Variants in IGF2R observed in about 807,000 individuals in gnomAD.
The protein encoded by IGF2R is cation-independent mannose-6-phosphate receptor.
IGF2R carries 91 observed loss-of-function variants against 270.6 expected under a neutral mutation model. The ratio of observed to expected loss-of-function variants is 0.34; its 90% CI spans 0.28 to 0.40. The LOEUF (loss-of-function observed/expected upper bound fraction) is 0.40, where lower values mean the gene tolerates loss of function less well. IGF2R is among the 10% of genes least tolerant of loss of function. IGF2R has a pLI of 1.00. For missense variants in IGF2R, 2,805 were observed against 3,188.3 expected, an observed-to-expected ratio of 0.88 and a Z score of 2.90; for synonymous variants, 1,316 against 1,258.9, an observed-to-expected ratio of 1.05 and a Z score of -0.96.
intron 1 of IGF2R, among the ~76,000 whole-genome samples, chr6:159,988,867 A>G (rs372943923): frequency 1.3e-5 from 2 of 152,170 alleles, no homozygotes; most frequent in Admixed American, 1.3e-4. Context: ...CTCCCGCAGT[A>G]AGTACTTAAG....
chr6:160,084,168 G>A lies in IGF2R; in HGVS notation c.6052G>A (p.Val2018Ile). ...CTCTCTCACCGGGTCCTGGTCCCTC[G>A]TCCACAACGGAGTCTCGTGAGTGCC... ...LSSLTGSWSL[V>I]HNGVSYYINL... The change falls in exon 40 of 48, where the codon GTC becomes ATC. Residue 2018 changes from valine to isoleucine, a missense_variant. By Grantham distance (29) the Val-to-Ile change is conservative. Coordinates refer to ENST00000356956, the MANE Select transcript of IGF2R (RefSeq NM_000876.4). The surrounding 1 kb of genome is among the most constrained non-coding windows in gnomAD (Gnocchi z 4.6). The A allele has an allele frequency of 6.2e-7, 1 of 1,611,964 alleles. No homozygotes were observed. Among genetic ancestry groups the A allele is most frequent in the East Asian group, 2.2e-5 (1 of 44,872 alleles).
chr6:160,072,062 C>T, intron 32 of IGF2R, 26 bp downstream of exon 32: 1 of 1,613,650 alleles, frequency 6.2e-7, no homozygotes, highest in Non-Finnish European at 8.5e-7. Flanking sequence ...AGTCGTTAAC[C>T]CCAGCGCAGG....
chr6:160,023,667 A>G (rs1777488235), intron 4 of IGF2R, among the ~76,000 whole-genome samples: 1 of 152,200 alleles, frequency 6.6e-6, no homozygotes, highest in African/African-American at 2.4e-5. Flanking sequence ...CCAGAGGTTG[A>G]ACCCCAAGTG....
chr6:160,041,092 C>T (rs1000642619), intron 11 of IGF2R, among the ~76,000 whole-genome samples: 1 of 152,074 alleles, frequency 6.6e-6, no homozygotes, highest in Non-Finnish European at 1.5e-5. Context: ...GGCTTGTACT[C>T]GAGGCTGAGC....
intron 2 of IGF2R, among the ~76,000 whole-genome samples, chr6:159,997,309 A>G (rs774982926): frequency 6.6e-6 from 1 of 152,134 alleles, no homozygotes; most frequent in Non-Finnish European, 1.5e-5. Context: ...TGGCTGCTGC[A>G]GTCTCAGCAG....
rs548731915 is a variant in IGF2R at position 160,033,210 on chromosome 6, C to T, written c.1211+103C>T. The T allele has an allele frequency of 6.6e-6, 5 of 756,126 alleles. No homozygotes were observed. In the African/African-American group the frequency reaches 8.8e-5, roughly 13 times the overall value. The allele number at this position is 756,126 out of a possible 1,614,324, so 46.8% of individuals were successfully genotyped here. A position where few individuals can be genotyped will look rare whatever the true frequency, so the allele number is the denominator to read the frequency against. ...AGACTGCAGTGGTGCAATCTCGGTG[C>T]ATTGCAGCCTTGACTTCCCTGCCTC... On this transcript the variant is annotated intron_variant, in intron 9 of 47. Transcript: ENST00000356956.
At chr6:160,058,834 G>C in intron 21 of IGF2R, 72 bp from the exon 22 acceptor site, 1 of 1,327,004 alleles carries the variant, frequency 7.5e-7, no homozygotes, top group Non-Finnish European at 1.1e-6. Context: ...ATTTGGAGTT[G>C]CTAGGGTTCT....
rs765187784 is a variant in IGF2R, at chr6:160,010,774, G to A, written c.502G>A (p.Ala168Thr). ...TAACKKDIFK[A>T]NKEVPCYVFD... ...AGCCTGCAAGAAAGACATATTTAAAGCAAATAAGGAGGTAACATGGGAACT... is the reference window on the plus strand; with the variant it reads ...AGCCTGCAAGAAAGACATATTTAAAACAAATAAGGAGGTAACATGGGAACT... The change falls in exon 4 of 48, where the codon GCA becomes ACA. Residue 168 changes from alanine (A) to threonine (T), a missense_variant. Ala to Thr is a moderately conservative substitution (Grantham distance 58). This residue lies in a region of IGF2R where 954 missense variants were observed against 981.1 expected (regional missense o/e 0.97). Coordinates refer to ENST00000356956, the MANE Select transcript of IGF2R (RefSeq NM_000876.4). The A allele has an allele frequency of 6.3e-7, 1 of 1,596,846 alleles. No homozygotes were observed. The highest frequency in any genetic ancestry group is 8.6e-7 in the Non-Finnish European group (1 of 1,164,346).
At chr6:160,061,710 C>T (rs746060831) in intron 24 of IGF2R, 43 bp from the exon 25 acceptor site, 2 of 1,613,278 alleles carry the variant, frequency 1.2e-6, no homozygotes, top group South Asian at 1.1e-5. Flanking sequence ...GACTCAAGGT[C>T]ATCGCCTTCC....
chr6:160,069,012 A>G (rs1778654056), intron 30 of IGF2R, among the ~76,000 whole-genome samples: 1 of 152,160 alleles, frequency 6.6e-6, no homozygotes, highest in African/African-American at 2.4e-5. Flanking sequence ...AATAATAGCC[A>G]TGGTGAGGAA....
In IGF2R at chr6:160,107,183, G is replaced by A. The variant is rs1465693580; in HGVS notation, c.*2099G>A. The A allele has an allele frequency of 6.6e-6, 1 of 152,170 alleles. No individual in the cohort carries two copies. The highest frequency in any genetic ancestry group is 1.5e-5 in the Non-Finnish European group (1 of 68,038). 9.4% of individuals were successfully genotyped at this position (152,170 alleles called of 1,614,324 possible). A position where few individuals can be genotyped will look rare whatever the true frequency, so the allele number is the denominator to read the frequency against. On this transcript the variant is annotated 3_prime_UTR_variant, in exon 48 of 48. Coordinates refer to ENST00000356956, the MANE Select transcript of IGF2R (RefSeq NM_000876.4). Reference sequence around the variant, plus strand: ...CAGGTCTTCTAAAAGTTTACATTATGACCAAAGAAAGATGCTGGTCCTCAG... The same window carrying A: ...CAGGTCTTCTAAAAGTTTACATTATAACCAAAGAAAGATGCTGGTCCTCAG...
At chr6:160,071,814 G>C (rs1778744984) in intron 31 of IGF2R, 96 bp from the exon 32 acceptor site, 1 of 1,492,662 alleles carries the variant, frequency 6.7e-7, no homozygotes, top group African/African-American at 1.4e-5. Flanking sequence ...ACATGCTGTG[G>C]AGTTTTTCAG....
At position 160,103,831 on chromosome 6, in the gene IGF2R, G is replaced by A. The variant is rs372528401; in HGVS notation, c.7065+16G>A. On this transcript the variant is annotated intron_variant, in intron 47 of 47. Transcript: ENST00000356956. ...ATACTCAAAGGTAATTTTCTGTGGC[G>A]AGTCTCTTGAAGGCCTGCCTCCCCG... The A allele has an allele frequency of 2.8e-5, 45 of 1,583,022 alleles. No individual in the cohort carries two copies. The African/African-American group carries it at 3.1e-4, about 11-fold the overall frequency.
intron 2 of IGF2R, among the ~76,000 whole-genome samples, chr6:159,997,579 C>T (rs1001516225): frequency 6.6e-6 from 1 of 152,204 alleles, no homozygotes; most frequent in Non-Finnish European, 1.5e-5. Context: ...GGGGCAGCAA[C>T]AGCATTCCCG....
chr6:160,089,032 A>C (rs1316465157), intron 42 of IGF2R, 75 bp from the exon 43 acceptor site: 1 of 1,484,968 alleles, frequency 6.7e-7, no homozygotes, highest in African/African-American at 1.4e-5. Flanking sequence ...AGGGCTCCGC[A>C]GTGTTCATTG....
chr6:160,099,610 G>A (rs763465313), intron 45 of IGF2R, among the ~76,000 whole-genome samples: 6 of 152,176 alleles, frequency 3.9e-5, no homozygotes, highest in African/African-American at 1.4e-4. Context: ...CTTGTGATCC[G>A]CCTGCCTCAG....
chr6:160,060,035 A>T (rs2115260891), intron 22 of IGF2R, among the ~76,000 whole-genome samples: 1 of 152,380 alleles, frequency 6.6e-6, no homozygotes, highest in Middle Eastern at 3.4e-3. Context: ...ACCTGTCATA[A>T]CATAGGCCGC....
intron 2 of IGF2R, among the ~76,000 whole-genome samples, chr6:159,995,845 G>A (rs1412356236): frequency 6.7e-6 from 1 of 148,778 alleles, no homozygotes; most frequent in South Asian, 2.1e-4. Context: ...ATTTTCTTTA[G>A]GGTCCACTGC....
At chr6:160,024,780 C>T (rs1777519646) in intron 5 of IGF2R, 76 bp downstream of exon 5, 1 of 1,488,696 alleles carries the variant, frequency 6.7e-7, no homozygotes, top group Admixed American at 1.8e-5. Context: ...GCCTTTCTAC[C>T]TTTATTTCTG....
Sources: gnomAD v4.1 joint callset for allele counts (sites outside exome capture counted in the v4.1 genomes callset) on GRCh38, gnomAD v4.1.1 for gene constraint, gnomAD v4.1.1 regional missense constraint, Gnocchi (gnomAD v3.1) non-coding constraint, MANE v1.5 for transcripts, NCBI Gene and HGNC (gene_info 2026-07-23, HGNC 2026-07-21) for gene names.